LCLAT1: variants seen among roughly 807,000 people sequenced by gnomAD.
LCLAT1 encodes the protein 1-AGP acyltransferase 8.
A neutral mutation model predicts 30.7 loss-of-function variants in LCLAT1; 11 were observed. The ratio of observed to expected loss-of-function variants is 0.36; its 90% CI spans 0.23 to 0.59. The LOEUF (loss-of-function observed/expected upper bound fraction) is 0.59. Ranked by LOEUF, LCLAT1 falls within the 20% of genes least tolerant of loss-of-function variation. The pLI, the probability that LCLAT1 is intolerant of heterozygous loss-of-function variation, is 0.77. For missense variants in LCLAT1, 402 were observed against 458.6 expected, an observed-to-expected ratio of 0.88 and a Z score of 1.13; for synonymous variants, 155 against 151.3, an observed-to-expected ratio of 1.02 and a Z score of -0.18.
At chr2:30,606,077 A>G (rs1667432579) in intron 5 of LCLAT1, 3 of 1,240,448 alleles carry the variant, frequency 2.4e-6, no homozygotes, top group Non-Finnish European at 2.1e-6. Flanking sequence ...TCACTGCTCA[A>G]GGAAATCAGA....
chr2:30,449,030 A>C (rs543192587), intron 1 of LCLAT1, among the ~76,000 whole-genome samples: 68 of 152,184 alleles, frequency 4.5e-4, no homozygotes, highest in Middle Eastern at 6.8e-3. Flanking sequence ...ATATGTGCCA[A>C]CTCAGTCATC....
chr2:30,591,135 T>A (rs1022176403), intron 5 of LCLAT1, among the ~76,000 whole-genome samples: 1 of 152,162 alleles, frequency 6.6e-6, no homozygotes, highest in Non-Finnish European at 1.5e-5. Context: ...TTTTGCAGTT[T>A]AGGGCATTAG....
intron 1 of LCLAT1, among the ~76,000 whole-genome samples, chr2:30,512,179 T>C (rs2148359920): frequency 6.6e-6 from 1 of 152,330 alleles, no homozygotes; most frequent in East Asian, 1.9e-4. Context: ...TAGTTTTGTT[T>C]TTAGTTTTTT....
chr2:30,531,389 A>AG (rs1273249910), intron 2 of LCLAT1, among the ~76,000 whole-genome samples: 1 of 152,244 alleles, frequency 6.6e-6, no homozygotes, highest in East Asian at 1.9e-4. Context: ...TTTTTGGAGT[A>AG]GGGGTTATAA....
chr2:30,602,405 A>G (rs1377543928), intron 5 of LCLAT1, among the ~76,000 whole-genome samples: 1 of 152,168 alleles, frequency 6.6e-6, no homozygotes, highest in Admixed American at 6.6e-5. Context: ...ACTTTGAGAA[A>G]TTTTCAGGAA....
chr2:30,535,899 T>G (rs1052507640), intron 3 of LCLAT1, among the ~76,000 whole-genome samples: 1 of 151,818 alleles, frequency 6.6e-6, no homozygotes, highest in African/African-American at 2.4e-5. Flanking sequence ...AGAACACAGA[T>G]AAAGTATTCA....
intron 3 of LCLAT1, among the ~76,000 whole-genome samples, chr2:30,556,986 C>T (rs1006451522): frequency 5.3e-5 from 8 of 152,074 alleles, no homozygotes; most frequent in African/African-American, 1.2e-4. Flanking sequence ...TCACGTGATC[C>T]GCCTGCGTCG....
At chr2:30,480,834 T>C (rs891558065) in intron 1 of LCLAT1, among the ~76,000 whole-genome samples, 2 of 152,102 alleles carry the variant, frequency 1.3e-5, no homozygotes, top group East Asian at 3.8e-4. Flanking sequence ...ATCAATATGG[T>C]CCTTACAACT....
At chr2:30,591,618 C>T (rs1302297759) in intron 5 of LCLAT1, among the ~76,000 whole-genome samples, 1 of 152,092 alleles carries the variant, frequency 6.6e-6, no homozygotes, top group Non-Finnish European at 1.5e-5. Flanking sequence ...AATAATCATT[C>T]CTACAAAGTT....
At chr2:30,627,302 A>G (rs1572715070) in intron 5 of LCLAT1, among the ~76,000 whole-genome samples, 1 of 152,058 alleles carries the variant, frequency 6.6e-6, no homozygotes, top group African/African-American at 2.4e-5. Context: ...GATGTCACCT[A>G]AGTCTCATTA....
chr2:30,598,431 T>A (rs1484321849), intron 5 of LCLAT1, among the ~76,000 whole-genome samples: 1 of 149,848 alleles, frequency 6.7e-6, no homozygotes, highest in South Asian at 2.1e-4. Flanking sequence ...TTTTTTTTTA[T>A]TTGCAGAGGT....
chr2:30,630,568 A>G (rs962523292), intron 5 of LCLAT1, among the ~76,000 whole-genome samples: 2 of 152,260 alleles, frequency 1.3e-5, no homozygotes, highest in Admixed American at 1.3e-4. Context: ...AAAGTATCAC[A>G]TGAAAAAAGT....
At chr2:30,512,003 G>C (rs1015108244) in intron 1 of LCLAT1, among the ~76,000 whole-genome samples, 7 of 152,176 alleles carry the variant, frequency 4.6e-5, no homozygotes, top group African/African-American at 1.7e-4. Context: ...CTTACACTTT[G>C]TCTTTGCAGG....
intron 3 of LCLAT1, among the ~76,000 whole-genome samples, chr2:30,542,942 G>A (rs936910384): frequency 1.1e-4 from 16 of 142,580 alleles, no homozygotes; most frequent in Non-Finnish European, 2.0e-4. Flanking sequence ...TTTAATATTC[G>A]ACTTTTATGG....
At chr2:30,606,005 CTG>C in intron 5 of LCLAT1, 1 of 1,294,278 alleles carries the variant, frequency 7.7e-7, no homozygotes. Context: ...ACTCCCCACT[CTG>C]TTGATCAGGC....
intron 5 of LCLAT1, among the ~76,000 whole-genome samples, chr2:30,611,372 G>A (rs373705513): frequency 6.6e-6 from 1 of 152,056 alleles, no homozygotes; most frequent in Non-Finnish European, 1.5e-5. Flanking sequence ...AGAACAGAGA[G>A]TGTGTGTGTA....
At chr2:30,562,986 A>G (rs889335612) in intron 4 of LCLAT1, among the ~76,000 whole-genome samples, 2 of 152,122 alleles carry the variant, frequency 1.3e-5, no homozygotes, top group Non-Finnish European at 2.9e-5. Context: ...AAACTCAGCC[A>G]TCATTGAGTT....
chr2:30,502,999 T>C (rs1237257514), intron 1 of LCLAT1, among the ~76,000 whole-genome samples: 1 of 152,250 alleles, frequency 6.6e-6, no homozygotes, highest in Non-Finnish European at 1.5e-5. Context: ...GTATGGTCTC[T>C]TGGCAGTTGC....
intron 5 of LCLAT1, among the ~76,000 whole-genome samples, chr2:30,593,024 T>C (rs1181426121): frequency 1.3e-5 from 2 of 152,232 alleles, no homozygotes; most frequent in Non-Finnish European, 2.9e-5. Context: ...CTTCTAACTA[T>C]TTTTGTACAT....
Sources: gnomAD v4.1 joint callset for allele counts (sites outside exome capture counted in the v4.1 genomes callset) on GRCh38, gnomAD v4.1.1 for gene constraint, MANE v1.5 for transcripts, NCBI Gene and HGNC (gene_info 2026-07-23, HGNC 2026-07-21) for gene names.